PFKP: variants seen among roughly 807,000 people sequenced by gnomAD.
The protein encoded by PFKP is ATP-dependent 6-phosphofructokinase, platelet type.
A neutral mutation model predicts 94.3 loss-of-function variants in PFKP; 101 were observed. The ratio of observed to expected loss-of-function variants is 1.07; its 90% CI spans 0.91 to 1.26. The LOEUF is 1.26. PFKP is among the 50% of genes most tolerant of loss of function. The pLI, the probability that PFKP is intolerant of heterozygous loss-of-function variation, is 0.00. For synonymous variants in PFKP, 573 were observed against 432.6 expected, an observed-to-expected ratio of 1.32 and a Z score of -4.03; for missense variants, 1,145 against 1,103.3, an observed-to-expected ratio of 1.04 and a Z score of -0.53.
At chr10:3,098,060 T>TA (rs1834638404) in intron 2 of PFKP, among the ~76,000 whole-genome samples, 1 of 152,144 alleles carries the variant, frequency 6.6e-6, no homozygotes, top group Admixed American at 6.5e-5. Context: ...CTGGTAGAAA[T>TA]TTATAAATAT....
At chr10:3,093,857 A>G (rs189075739) in intron 2 of PFKP, among the ~76,000 whole-genome samples, 249 of 152,120 alleles carry the variant, frequency 1.6e-3, no homozygotes, top group African/African-American at 5.1e-3. Context: ...GTTAGCCAGG[A>G]TGGTCTCCAT....
chr10:3,074,980 G>C (rs1832470371), intron 1 of PFKP, among the ~76,000 whole-genome samples: 1 of 152,186 alleles, frequency 6.6e-6, no homozygotes, highest in African/African-American at 2.4e-5. Context: ...TTAACAGCAA[G>C]CCAGTCATCA....
intron 3 of PFKP, among the ~76,000 whole-genome samples, chr10:3,100,343 T>C (rs955980900): frequency 6.6e-6 from 1 of 152,168 alleles, no homozygotes; most frequent in African/African-American, 2.4e-5. Context: ...CGGTCACACT[T>C]GGTGCCAGTG....
At chr10:3,076,666 TTC>T (rs1282409306) in intron 1 of PFKP, among the ~76,000 whole-genome samples, 1 of 152,146 alleles carries the variant, frequency 6.6e-6, no homozygotes, top group East Asian at 1.9e-4. Context: ...GAACAAGCTC[TTC>T]CAGGGCCAGA....
At position 3,108,796 on chromosome 10, in the gene PFKP, G is replaced by A. The variant is rs1835880032; in HGVS notation, c.963+3G>A. The A allele has an allele frequency of 2.5e-6, 4 of 1,602,084 alleles. No homozygotes were observed. The South Asian group carries it at 4.4e-5, about 18-fold the overall frequency. On this transcript the variant is annotated splice_donor_region_variant and intron_variant, in intron 9 of 21. Coordinates refer to ENST00000381125, the MANE Select transcript of PFKP (RefSeq NM_002627.5). ...CTTCGGCATTCGACAGGATCTTGGTGAGTTGGGAAGGGTTGGGCATCTTCA... is the reference window on the plus strand; with the variant it reads ...CTTCGGCATTCGACAGGATCTTGGTAAGTTGGGAAGGGTTGGGCATCTTCA...
At chr10:3,069,274 G>A (rs975923292) in intron 1 of PFKP, 1 of 1,498,128 alleles carries the variant, frequency 6.7e-7, no homozygotes, top group Non-Finnish European at 9.0e-7. Context: ...CTTCCTGCAG[G>A]GCTGGGTTCT....
intron 16 of PFKP, among the ~76,000 whole-genome samples, chr10:3,128,627 G>T (rs1838212095): frequency 7.2e-6 from 1 of 138,356 alleles, no homozygotes; most frequent in Non-Finnish European, 1.6e-5. Context: ...TGTACGCCTT[G>T]TTCCCTGGCG....
chr10:3,072,170 C>T (rs1832246577), intron 1 of PFKP, among the ~76,000 whole-genome samples: 1 of 152,256 alleles, frequency 6.6e-6, no homozygotes, highest in South Asian at 2.1e-4. Context: ...GGAATTCAAC[C>T]CTCTCTAATT....
chr10:3,099,005 G>A (rs1047747859), intron 2 of PFKP, among the ~76,000 whole-genome samples: 3 of 152,132 alleles, frequency 2.0e-5, no homozygotes, highest in Non-Finnish European at 4.4e-5. Flanking sequence ...CAACCTCTCG[G>A]GAAACGCTGG....
intron 2 of PFKP, 75 bp downstream of exon 2, chr10:3,082,536 A>C (rs1588408123): frequency 3.9e-6 from 4 of 1,037,390 alleles, no homozygotes; most frequent in Admixed American, 2.1e-5. Context: ...GCGCTCGCTC[A>C]CCCCTGCCTC....
chr10:3,094,470 G>A (rs1463533525), intron 2 of PFKP, among the ~76,000 whole-genome samples: 1 of 152,200 alleles, frequency 6.6e-6, no homozygotes, highest in Non-Finnish European at 1.5e-5. Flanking sequence ...TTTCTATCAA[G>A]TAATGAAATC....
chr10:3,094,368 C>T (rs1034724267), intron 2 of PFKP, among the ~76,000 whole-genome samples: 3 of 152,220 alleles, frequency 2.0e-5, no homozygotes, highest in African/African-American at 7.2e-5. Context: ...AGTGCAGGAC[C>T]ACATGATGGT....
intron 2 of PFKP, among the ~76,000 whole-genome samples, chr10:3,093,148 G>A (rs528369198): frequency 5.3e-5 from 8 of 152,324 alleles, no homozygotes; most frequent in Admixed American, 2.0e-4. Context: ...GCAAGACAAA[G>A]AGCAGGTGAC....
intron 16 of PFKP, 149 bp downstream of exon 16, chr10:3,120,193 G>GT (rs1215723983): frequency 1.4e-5 from 10 of 697,036 alleles, no homozygotes; most frequent in Non-Finnish European, 2.3e-5. Flanking sequence ...AGAAAAGTAT[G>GT]TTTTAAGACT....
intron 16 of PFKP, among the ~76,000 whole-genome samples, chr10:3,128,791 A>G (rs1838235151): frequency 6.6e-6 from 1 of 152,164 alleles, no homozygotes; most frequent in Non-Finnish European, 1.5e-5. Context: ...CCCAGGTTCC[A>G]GGGATTAGGG....
At chr10:3,077,513 A>T (rs1372988519) in intron 1 of PFKP, among the ~76,000 whole-genome samples, 5 of 151,220 alleles carry the variant, frequency 3.3e-5, no homozygotes, top group Non-Finnish European at 7.4e-5. Flanking sequence ...TGATCCGCCC[A>T]CCTTGGCCTC....
At chr10:3,076,979 C>A (rs1170990962) in intron 1 of PFKP, among the ~76,000 whole-genome samples, 1 of 152,158 alleles carries the variant, frequency 6.6e-6, no homozygotes, top group African/African-American at 2.4e-5. Context: ...GGAAAGACCC[C>A]TAGAAGGAAC....
intron 8 of PFKP, 31 bp downstream of exon 8, chr10:3,107,340 G>C: frequency 1.5e-6 from 2 of 1,378,916 alleles, no homozygotes; most frequent in Non-Finnish European, 2.1e-6. Context: ...ACTTTCTCTC[G>C]GTTTCTGCCT....
At chr10:3,134,612 C>G (rs758232344) in intron 20 of PFKP, 30 bp downstream of exon 20, 1 of 1,408,066 alleles carries the variant, frequency 7.1e-7, no homozygotes. Flanking sequence ...AGGCCACAGC[C>G]TCGTGATGCA....
Sources: allele counts gnomAD v4.1 joint callset (sites outside exome capture counted in the v4.1 genomes callset), GRCh38; gene constraint gnomAD v4.1.1; transcripts MANE v1.5; gene names NCBI Gene and HGNC (gene_info 2026-07-23, HGNC 2026-07-21).